The following MAPK10 variants were observed in gnomAD, a reference collection of about 807,000 sequenced individuals.
MAPK10 encodes JNK3 alpha protein kinase.
A neutral mutation model predicts 59.3 loss-of-function variants in MAPK10; 25 were observed. The observed-to-expected ratio is 0.42, with a 90% CI of 0.31 to 0.59. The LOEUF is 0.59. MAPK10 is among the 20% of genes least tolerant of loss of function. The pLI, the probability that MAPK10 is intolerant of heterozygous loss-of-function variation, is 0.15. For synonymous variants in MAPK10, 190 were observed against 200.5 expected, an observed-to-expected ratio of 0.95 and a Z score of 0.44; for missense variants, 351 against 568.9, an observed-to-expected ratio of 0.62 and a Z score of 3.90.
At chr4:86,314,024 C>T (rs1564277226) in intron 2 of MAPK10, among the ~76,000 whole-genome samples, 1 of 151,884 alleles carries the variant, frequency 6.6e-6, no homozygotes, top group African/African-American at 2.4e-5. Context: ...ACTACAGCCA[C>T]AAAAAAACAG....
At chr4:86,402,690 A>C (rs1239036273) in intron 1 of MAPK10, among the ~76,000 whole-genome samples, 2 of 152,130 alleles carry the variant, frequency 1.3e-5, no homozygotes, top group African/African-American at 4.8e-5. Context: ...TATAAGCCTG[A>C]CCCTCAGTGA....
At chr4:86,247,683 C>G (rs6531906) in intron 2 of MAPK10, among the ~76,000 whole-genome samples, 49,576 of 151,916 alleles carry the variant, frequency 0.33, 10,997 homozygotes, top group African/African-American at 0.63. Flanking sequence ...GGTGATCTGA[C>G]AATACAGAAA....
At chr4:86,472,556 A>T (rs72663993) in intron 1 of MAPK10, among the ~76,000 whole-genome samples, 5 of 152,248 alleles carry the variant, frequency 3.3e-5, no homozygotes, top group Non-Finnish European at 7.4e-5. Flanking sequence ...TGGTGGGAGG[A>T]TCACTTGAGC....
At chr4:86,339,330 C>T (rs578136858) in intron 2 of MAPK10, among the ~76,000 whole-genome samples, 23 of 152,278 alleles carry the variant, frequency 1.5e-4, no homozygotes, top group Middle Eastern at 3.4e-3. Context: ...CAAGATAAAA[C>T]GAGCTTTTCT....
At chr4:86,107,399 T>TA (rs1561783606) in intron 4 of MAPK10, 47 bp from the exon 5 acceptor site, 3 of 1,586,164 alleles carry the variant, frequency 1.9e-6, no homozygotes, top group Admixed American at 1.8e-5. Context: ...AAAGATTCCT[T>TA]AGAACTCTTG....
intron 2 of MAPK10, among the ~76,000 whole-genome samples, chr4:86,253,443 T>G (rs1353284672): frequency 8.4e-6 from 1 of 119,252 alleles, no homozygotes; most frequent in Non-Finnish European, 1.6e-5. Flanking sequence ...ATGTGGTTTT[T>G]GTCTTTGGCT....
At position 86,056,016 on chromosome 4, in the gene MAPK10, A is replaced by T. The variant is rs897603434; in HGVS notation, c.1110+8250T>A. On this transcript the variant is annotated intron_variant, in intron 11 of 13. Transcript: ENST00000641462. ...AAAAACTGTAGTTTCAGAATTTCAG[A>T]TGGATTAGTTATTCAGAAATTGTCT... Among the ~76,000 whole-genome samples the T allele has an allele frequency of 4.0e-5, 6 of 150,148 alleles. 1 individual carries two copies. Among genetic ancestry groups the T allele is most frequent in the African/African-American group, 1.5e-4 (6 of 40,104 alleles).
chr4:86,051,900 C>T (rs919775304), intron 11 of MAPK10, among the ~76,000 whole-genome samples: 3 of 151,882 alleles, frequency 2.0e-5, no homozygotes, highest in Non-Finnish European at 2.9e-5. Flanking sequence ...AAATAAATAT[C>T]GCAAAGGAAG....
chr4:86,158,870 A>G (rs2068659430), intron 4 of MAPK10, among the ~76,000 whole-genome samples: 2 of 151,986 alleles, frequency 1.3e-5, no homozygotes, highest in Non-Finnish European at 2.9e-5. Context: ...TCAAACACTG[A>G]ATTTGAAAAG....
chr4:86,302,417 G>A (rs1022848874), intron 2 of MAPK10, among the ~76,000 whole-genome samples: 3 of 152,176 alleles, frequency 2.0e-5, no homozygotes, highest in Non-Finnish European at 2.9e-5. Context: ...AGGAAACACA[G>A]AAGCCAGACA....
intron 1 of MAPK10, among the ~76,000 whole-genome samples, chr4:86,508,068 T>C (rs116642503): frequency 0.023 from 3,538 of 152,170 alleles, 51 homozygotes; most frequent in Middle Eastern, 0.065. Context: ...AAGAAAACAT[T>C]GTCTTCTTTT....
At chr4:86,364,387 C>T (rs572041185), upstream of MAPK10, among the ~76,000 whole-genome samples, 1 of 152,248 alleles carries the variant, frequency 6.6e-6, no homozygotes, top group African/African-American at 2.4e-5. Flanking sequence ...CCTTGACCTC[C>T]CAACGTGCTG....
chr4:86,094,220 C>T (rs2053793892), intron 9 of MAPK10, among the ~76,000 whole-genome samples: 2 of 151,946 alleles, frequency 1.3e-5, no homozygotes, highest in African/African-American at 4.8e-5. Flanking sequence ...ATACAGCATT[C>T]AGTTAATTTG....
intron 1 of MAPK10, among the ~76,000 whole-genome samples, chr4:86,510,268 ATGCCTGGCTAAT>A (rs1756119823): frequency 6.6e-6 from 1 of 151,936 alleles, no homozygotes; most frequent in Non-Finnish European, 1.5e-5. Context: ...ATGTACCCCC[ATGCCTGGCTAAT>A]TTTTGTATTT....
At chr4:86,159,015 G>C (rs1487936193) in intron 4 of MAPK10, 1 of 253,310 alleles carries the variant, frequency 3.9e-6, no homozygotes, top group East Asian at 7.3e-5. Flanking sequence ...GCAACTGCTA[G>C]AAAATCTCTG....
At chr4:86,100,399 T>A (rs1260623747) in intron 8 of MAPK10, 1 of 152,210 alleles carries the variant, frequency 6.6e-6, no homozygotes, top group Admixed American at 6.5e-5. Context: ...AAAGTGTTCA[T>A]GAACATTAAG....
At chr4:86,546,327 C>T (rs1281123413) in intron 1 of MAPK10, among the ~76,000 whole-genome samples, 1 of 151,870 alleles carries the variant, frequency 6.6e-6, no homozygotes, top group African/African-American at 2.4e-5. Flanking sequence ...ACGGGCAGAT[C>T]ACCTGAGGTT....
intron 3 of MAPK10, among the ~76,000 whole-genome samples, chr4:86,167,629 T>C (rs1009823900): frequency 1.3e-5 from 2 of 152,172 alleles, no homozygotes; most frequent in African/African-American, 4.8e-5. Flanking sequence ...CATGATTATC[T>C]CAATAGATGC....
intron 2 of MAPK10, among the ~76,000 whole-genome samples, chr4:86,202,686 C>T (rs1481672416): frequency 6.6e-6 from 1 of 151,582 alleles, no homozygotes; most frequent in East Asian, 1.9e-4. Flanking sequence ...CGTTTCAGTT[C>T]TCTACTGCTG....
Sources: gnomAD v4.1 joint callset for allele counts (sites outside exome capture counted in the v4.1 genomes callset) on GRCh38, gnomAD v4.1.1 for gene constraint, MANE v1.5 for transcripts, NCBI Gene and HGNC (gene_info 2026-07-23, HGNC 2026-07-21) for gene names.